MUSK: variants seen among roughly 807,000 people sequenced by gnomAD.
MUSK encodes muscle associated receptor tyrosine kinase, also known as muscle, skeletal receptor tyrosine-protein kinase.
In MUSK, 55 loss-of-function variants were observed where a neutral mutation model predicts 88.7. That is an observed-to-expected ratio of 0.62 (90% CI 0.50 to 0.78). MUSK has a LOEUF of 0.78. Ranked by LOEUF, MUSK falls within the 30% of genes least tolerant of loss-of-function variation. The pLI, the probability that MUSK is intolerant of heterozygous loss-of-function variation, is 0.00. For missense variants in MUSK, 1,015 were observed against 1,074.3 expected (o/e 0.94, Z 0.77); for synonymous variants, 387 against 391.9 (o/e 0.99, Z 0.15).
chr9:110,751,873 G>A (rs1010634208), intron 7 of MUSK, among the ~76,000 whole-genome samples: 1 of 152,154 alleles, frequency 6.6e-6, no homozygotes, highest in South Asian at 2.1e-4. Context: ...ACGATGTTCG[G>A]AGTCAAGTAA....
At position 110,734,337 on chromosome 9, in the gene MUSK, C is replaced by T. The variant is rs2077002048; in HGVS notation, c.715C>T (p.Pro239Ser). ...VTLHCTATGI[P>S]VPTITWIENG... ...CCTGCACTGTACAGCAACAGGCATT[C>T]CTGTCCCCACCATCACCTGGATTGA... The change falls in exon 6 of 15, where the codon CCT becomes TCT. Residue 239 changes from proline to serine, a missense_variant. By Grantham distance (74) the Pro-to-Ser change is moderately conservative. Transcript: ENST00000374448. The T allele has an allele frequency of 6.2e-7, 1 of 1,613,268 alleles. No homozygotes were observed. Among genetic ancestry groups the T allele is most frequent in the East Asian group, 2.2e-5 (1 of 44,840 alleles).
intron 6 of MUSK, among the ~76,000 whole-genome samples, chr9:110,737,032 C>T (rs547633881): frequency 6.6e-6 from 1 of 152,136 alleles, no homozygotes; most frequent in Admixed American, 6.6e-5. Context: ...CTCCTGACTC[C>T]CTAAGGCCAT....
intron 7 of MUSK, among the ~76,000 whole-genome samples, chr9:110,753,636 T>G (rs948517262): frequency 6.6e-6 from 1 of 152,132 alleles, no homozygotes; most frequent in African/African-American, 2.4e-5. Flanking sequence ...CTCCCCATTC[T>G]ACCAACAACC....
At chr9:110,743,321 G>A (rs764377696) in intron 6 of MUSK, among the ~76,000 whole-genome samples, 7 of 152,158 alleles carry the variant, frequency 4.6e-5, no homozygotes, top group Non-Finnish European at 7.3e-5. Context: ...AGCATTTTTT[G>A]TGGAAATCTG....
intron 3 of MUSK, among the ~76,000 whole-genome samples, chr9:110,688,946 ATAT>A (rs1470701364): frequency 1.4e-5 from 2 of 145,924 alleles, no homozygotes; most frequent in Admixed American, 7.0e-5. Flanking sequence ...ATGTAAACAT[ATAT>A]TTAAATATAA....
intron 11 of MUSK, among the ~76,000 whole-genome samples, chr9:110,784,325 A>G (rs2077816174): frequency 6.6e-6 from 1 of 152,120 alleles, no homozygotes; most frequent in South Asian, 2.1e-4. Flanking sequence ...TTTAAATTGA[A>G]GTTTGACAGG....
chr9:110,736,122 T>C (rs3923859), intron 6 of MUSK, among the ~76,000 whole-genome samples: 40,392 of 151,920 alleles, frequency 0.27, 6,166 homozygotes, highest in Non-Finnish European at 0.34. Flanking sequence ...TATTTCAAAA[T>C]ATCAAGAAGA....
chr9:110,776,574 G>T, intron 10 of MUSK, 58 bp from the exon 11 acceptor site: 1 of 1,383,666 alleles, frequency 7.2e-7, no homozygotes, highest in South Asian at 1.2e-5. Flanking sequence ...CTCTCTCACA[G>T]AATATGTGAG....
intron 5 of MUSK, among the ~76,000 whole-genome samples, chr9:110,706,525 A>G (rs1260431170): frequency 6.6e-6 from 1 of 152,092 alleles, no homozygotes; most frequent in Non-Finnish European, 1.5e-5. Context: ...TTTTCTCCTG[A>G]GTACCTCTAA....
intron 9 of MUSK, among the ~76,000 whole-genome samples, chr9:110,773,082 C>T (rs547645842): frequency 3.3e-5 from 5 of 152,108 alleles, no homozygotes; most frequent in South Asian, 4.1e-4. Context: ...TTTTCATGAA[C>T]GACATGGAAT....
At chr9:110,780,450 C>T (rs1426513182) in intron 11 of MUSK, among the ~76,000 whole-genome samples, 2 of 152,204 alleles carry the variant, frequency 1.3e-5, no homozygotes, top group African/African-American at 4.8e-5. Flanking sequence ...AGACTCCACC[C>T]ATCACAGCCC....
intron 5 of MUSK, among the ~76,000 whole-genome samples, chr9:110,705,148 A>G (rs1439111022): frequency 6.6e-6 from 1 of 152,184 alleles, no homozygotes; most frequent in Non-Finnish European, 1.5e-5. Flanking sequence ...TCCAAATATT[A>G]TACTATTTTT....
At chr9:110,771,505 A>G (rs1432231130) in intron 9 of MUSK, among the ~76,000 whole-genome samples, 2 of 152,132 alleles carry the variant, frequency 1.3e-5, no homozygotes, top group Non-Finnish European at 1.5e-5. Flanking sequence ...ATTGTATAAT[A>G]TATACTGCTT....
At chr9:110,763,501 C>T (rs1279993016) in intron 8 of MUSK, among the ~76,000 whole-genome samples, 4 of 152,140 alleles carry the variant, frequency 2.6e-5, no homozygotes, top group African/African-American at 9.7e-5. Flanking sequence ...TTGCTGACCC[C>T]TGCCTTGGAG....
intron 5 of MUSK, among the ~76,000 whole-genome samples, chr9:110,700,410 C>G (rs966962130): frequency 3.3e-5 from 5 of 151,896 alleles, no homozygotes; most frequent in Admixed American, 3.3e-4. Flanking sequence ...TCCTGTGTGA[C>G]ATTGTCAAGA....
At chr9:110,769,047 G>A (rs1382064353) in intron 9 of MUSK, among the ~76,000 whole-genome samples, 1 of 152,010 alleles carries the variant, frequency 6.6e-6, no homozygotes, top group Non-Finnish European at 1.5e-5. Context: ...GTGTGGTCTT[G>A]GCTAAACTTC....
At chr9:110,701,917 T>C (rs1005126949) in intron 5 of MUSK, among the ~76,000 whole-genome samples, 1 of 137,318 alleles carries the variant, frequency 7.3e-6, no homozygotes, top group Non-Finnish European at 1.5e-5. Context: ...TTATTTTATT[T>C]TATTTTATTT....
chr9:110,762,302 C>A, intron 8 of MUSK, 94 bp downstream of exon 8: 1 of 1,000,510 alleles, frequency 1.0e-6, no homozygotes, highest in African/African-American at 1.6e-5. Flanking sequence ...CTTGTGTTGC[C>A]CAGGCTGGAG....
intron 14 of MUSK, among the ~76,000 whole-genome samples, chr9:110,788,764 A>G (rs2077921591): frequency 6.6e-6 from 1 of 152,184 alleles, no homozygotes; most frequent in Non-Finnish European, 1.5e-5. Context: ...TTAAAGTGTT[A>G]AAGCAGAGAA....
Sources: gnomAD v4.1 joint callset for allele counts (sites outside exome capture counted in the v4.1 genomes callset) on GRCh38, gnomAD v4.1.1 for gene constraint, MANE v1.5 for transcripts, NCBI Gene and HGNC (gene_info 2026-07-23, HGNC 2026-07-21) for gene names.